The following SBF2 variants were observed in gnomAD, a reference collection of about 807,000 sequenced individuals.
SBF2 encodes the protein SET binding factor 2, also known as myotubularin-related protein 13.
In SBF2, 112 loss-of-function variants were observed where a neutral mutation model predicts 225.2. The observed-to-expected ratio is 0.50, with a 90% CI of 0.43 to 0.58. SBF2 has a LOEUF of 0.58. Ranked by LOEUF, SBF2 falls within the 20% of genes least tolerant of loss-of-function variation. SBF2 has a pLI of 0.00. For synonymous variants in SBF2, 763 were observed against 773.3 expected (o/e 0.99, Z 0.22); for missense variants, 1,996 against 2,206.2 (o/e 0.90, Z 1.91).
intron 2 of SBF2, among the ~76,000 whole-genome samples, chr11:10,144,276 C>T (rs1398697521): frequency 6.6e-6 from 1 of 152,006 alleles, no homozygotes; most frequent in Non-Finnish European, 1.5e-5. Flanking sequence ...TGGCTTGAGC[C>T]CAGGAGTTTG....
At chr11:9,950,584 G>T (rs987992421) in intron 16 of SBF2, among the ~76,000 whole-genome samples, 18 of 152,056 alleles carry the variant, frequency 1.2e-4, no homozygotes, top group Non-Finnish European at 2.6e-4. Context: ...TAAATATATC[G>T]ATGACACTCC....
At chr11:9,784,848 C>G (rs1852266286) in intron 37 of SBF2, 2 of 531,116 alleles carry the variant, frequency 3.8e-6, no homozygotes, top group Middle Eastern at 5.1e-4. Context: ...AAAGTGCTGG[C>G]TGACACATGT....
At chr11:10,204,938 T>C (rs569803900) in intron 1 of SBF2, among the ~76,000 whole-genome samples, 14 of 151,272 alleles carry the variant, frequency 9.3e-5, no homozygotes, top group Admixed American at 1.3e-4. Context: ...TGTTCCCACT[T>C]GTATGTGGAA....
intron 13 of SBF2, among the ~76,000 whole-genome samples, chr11:9,975,968 T>C (rs1946659667): frequency 6.6e-6 from 1 of 152,190 alleles, no homozygotes; most frequent in African/African-American, 2.4e-5. Flanking sequence ...TTTCTTGTAT[T>C]TGAGTTTTGT....
At chr11:9,906,986 T>C (rs1862170750) in intron 16 of SBF2, among the ~76,000 whole-genome samples, 4 of 152,212 alleles carry the variant, frequency 2.6e-5, no homozygotes, top group Admixed American at 1.3e-4. Context: ...TAAAAAATGT[T>C]ATATTTAAAC....
intron 2 of SBF2, among the ~76,000 whole-genome samples, chr11:10,117,398 A>C (rs1195225440): frequency 2.7e-5 from 4 of 146,712 alleles, no homozygotes; most frequent in African/African-American, 5.1e-5. Context: ...TCAAGATGGC[A>C]CCATTGCACT....
At chr11:9,817,390 G>C (rs562100102) in intron 28 of SBF2, among the ~76,000 whole-genome samples, 1 of 152,222 alleles carries the variant, frequency 6.6e-6, no homozygotes, top group Non-Finnish European at 1.5e-5. Context: ...GAAGGCAAAT[G>C]CTGAGTTATG....
At chr11:10,253,023 C>T (rs557321022) in intron 1 of SBF2, among the ~76,000 whole-genome samples, 80 of 142,006 alleles carry the variant, frequency 5.6e-4, no homozygotes, top group African/African-American at 1.8e-3. Context: ...GTTCATTGCT[C>T]AATTAAACTC....
chr11:9,859,269 C>T (rs762742433), intron 17 of SBF2, among the ~76,000 whole-genome samples: 2 of 152,154 alleles, frequency 1.3e-5, no homozygotes, highest in Non-Finnish European at 2.9e-5. Flanking sequence ...CCAATTAGCA[C>T]TTCTGTTTTC....
chr11:9,794,069 G>A (rs1363236845), intron 33 of SBF2, among the ~76,000 whole-genome samples: 2 of 152,174 alleles, frequency 1.3e-5, no homozygotes, highest in Non-Finnish European at 2.9e-5. Context: ...TGTGGTCCCA[G>A]CTACTCAGGA....
At chr11:9,924,282 G>A (rs1249456073) in intron 16 of SBF2, among the ~76,000 whole-genome samples, 2 of 152,108 alleles carry the variant, frequency 1.3e-5, no homozygotes, top group African/African-American at 4.8e-5. Context: ...AATTACATGA[G>A]ATATTTGACA....
intron 30 of SBF2, among the ~76,000 whole-genome samples, chr11:9,811,920 A>G (rs1854207647): frequency 6.6e-6 from 1 of 152,186 alleles, no homozygotes; most frequent in Non-Finnish European, 1.5e-5. Flanking sequence ...GTTCAAGACC[A>G]GCCTGGGCAA....
intron 28 of SBF2, chr11:9,828,201 T>C (rs1170579070): frequency 2.3e-6 from 3 of 1,289,654 alleles, no homozygotes; most frequent in Non-Finnish European, 2.0e-6. Flanking sequence ...GTGGACATTC[T>C]TGAAGTCCTC....
chr11:10,263,896 A>G (rs577366833), intron 1 of SBF2, among the ~76,000 whole-genome samples: 25 of 152,214 alleles, frequency 1.6e-4, no homozygotes, highest in Non-Finnish European at 3.2e-4. Flanking sequence ...TCATTCAAGC[A>G]TTATCTGAGG....
intron 2 of SBF2, among the ~76,000 whole-genome samples, chr11:10,055,405 A>C (rs1482156147): frequency 6.6e-6 from 1 of 152,120 alleles, no homozygotes; most frequent in Non-Finnish European, 1.5e-5. Flanking sequence ...AAAGGAAAAG[A>C]ATTCAGTATA....
In SBF2 at chr11:9,868,366, A is replaced by AAAAAAAG. The variant is rs1554933292; in HGVS notation, c.1930-9971_1930-9970insCTTTTTT. 6.1e-4 allele frequency among the ~76,000 whole-genome samples: 70 copies of AAAAAAAG among 114,908 alleles called. 2 individuals are homozygous for AAAAAAAG. Among genetic ancestry groups the AAAAAAAG allele is most frequent in the Middle Eastern group, 5.1e-3 (1 of 198 alleles). 75.4% of individuals were successfully genotyped at this position (114,908 alleles called of 152,430 possible). A position where few individuals can be genotyped will look rare whatever the true frequency, so the allele number is the denominator to read the frequency against. On this transcript the variant is annotated intron_variant, in intron 17 of 39. Transcript: ENST00000256190. ...AAAAAAAAAAAAAAAAAAAAAAAAA[A>AAAAAAAG]AATTAGGCGGGTGTGGTGGCGGGCG...
chr11:9,972,566 T>C (rs1455028760), intron 13 of SBF2, among the ~76,000 whole-genome samples: 2 of 152,188 alleles, frequency 1.3e-5, no homozygotes, highest in African/African-American at 4.8e-5. Context: ...CTGCAACCTC[T>C]GCCTCCCGGG....
intron 38 of SBF2, among the ~76,000 whole-genome samples, chr11:9,783,461 G>C (rs1852166759): frequency 6.6e-6 from 1 of 152,184 alleles, no homozygotes; most frequent in Admixed American, 6.5e-5. Flanking sequence ...AATGCATTGA[G>C]AATCAAAATG....
In SBF2 at chr11:9,972,132, G is replaced by A. The variant is rs116658006; in HGVS notation, c.1396-3587C>T. On this transcript the variant is annotated intron_variant, in intron 13 of 39. Coordinates refer to ENST00000256190, the MANE Select transcript of SBF2 (RefSeq NM_030962.4). ...CTTACTAGTAGTGTGACCTGGTGCA[G>A]TGTCAATTCACTTACCCCATGTGTT... Among the ~76,000 whole-genome samples the A allele has an allele frequency of 9.8e-3, 1,493 of 152,230 alleles. 26 individuals are homozygous for A. Among genetic ancestry groups the A allele is most frequent in the African/African-American group, 0.034 (1,395 of 41,510 alleles).
Sources: allele counts gnomAD v4.1 joint callset (sites outside exome capture counted in the v4.1 genomes callset), GRCh38; gene constraint gnomAD v4.1.1; transcripts MANE v1.5; gene names NCBI Gene and HGNC (gene_info 2026-07-23, HGNC 2026-07-21).